The following CAMTA1 variants were observed in gnomAD, a reference collection of about 807,000 sequenced individuals.
The protein encoded by CAMTA1 is calmodulin binding transcription activator 1.
Under a neutral mutation model 170.9 loss-of-function variants are expected in CAMTA1, and 27 were observed. The observed-to-expected ratio is 0.16, with a 90% CI of 0.12 to 0.22. The LOEUF (loss-of-function observed/expected upper bound fraction) is 0.22. Among genes scored for constraint, CAMTA1 ranks in the 10% least tolerant of loss-of-function variants. CAMTA1 has a pLI of 1.00. For synonymous variants in CAMTA1, 833 were observed against 891.5 expected (o/e 0.93, Z 1.17); for missense variants, 1,619 against 2,217.2 (o/e 0.73, Z 5.42).
chr1:7,685,022 G>A lies in CAMTA1; in HGVS notation c.2914+7289G>A, dbSNP rs1178991493. ...CGGTGTCGGGGAGTTCACAGGCACC[G>A]TCCCGCGGTCACAGGTGGCATGTTT... On this transcript the variant is annotated intron_variant, in intron 11 of 22. Transcript: ENST00000303635. This position sits in a 1 kb window ranked among gnomAD's most constrained non-coding sequence, Gnocchi z 5.7. Among the ~76,000 whole-genome samples, 2 of 152,142 alleles carry A rather than the reference G, an allele frequency of 1.3e-5. No individual in the cohort carries two copies. Among genetic ancestry groups the A allele is most frequent in the African/African-American group, 4.8e-5 (2 of 41,422 alleles).
At chr1:7,450,940 C>T (rs535386456) in intron 5 of CAMTA1, among the ~76,000 whole-genome samples, 179 of 152,306 alleles carry the variant, frequency 1.2e-3, no homozygotes, top group Middle Eastern at 3.4e-3. Flanking sequence ...ATCCTAGAGG[C>T]TGCAGGACAA....
At position 7,663,330 on chromosome 1, in the gene CAMTA1, G is replaced by A. The variant is rs372241154; in HGVS notation, c.806-23G>A. 1.1e-4 allele frequency: 166 copies of A among 1,517,390 alleles called. 1 individual carries two copies. In the Middle Eastern group the frequency reaches 1.4e-3, roughly 13 times the overall value. 94.0% of individuals were successfully genotyped at this position (1,517,390 alleles called of 1,614,324 possible). ...CATGTGTGCCTGCGTGTGCGTGCGCGTGTTGTGTTCCGATCTCCGCAGGAG... is the reference window on the plus strand; with the variant it reads ...CATGTGTGCCTGCGTGTGCGTGCGCATGTTGTGTTCCGATCTCCGCAGGAG... On this transcript the variant is annotated intron_variant, in intron 8 of 22. Coordinates refer to ENST00000303635, the MANE Select transcript of CAMTA1 (RefSeq NM_015215.4).
chr1:6,956,030 TGCA>T (rs1689396523), intron 3 of CAMTA1, among the ~76,000 whole-genome samples: 1 of 152,188 alleles, frequency 6.6e-6, no homozygotes, highest in African/African-American at 2.4e-5. Flanking sequence ...GAGCAGGTGC[TGCA>T]GCAGAGCCTC....
At chr1:7,282,887 C>A (rs964935601) in intron 5 of CAMTA1, among the ~76,000 whole-genome samples, 1 of 152,112 alleles carries the variant, frequency 6.6e-6, no homozygotes, top group African/African-American at 2.4e-5. Flanking sequence ...CGTGACATAG[C>A]CTTTTTCTGG....
At chr1:7,755,235 GA>G (rs1271806835) in intron 21 of CAMTA1, among the ~76,000 whole-genome samples, 1 of 149,902 alleles carries the variant, frequency 6.7e-6, no homozygotes, top group Non-Finnish European at 1.5e-5. Flanking sequence ...GCTGGGGCAG[GA>G]GAATCTCTTG....
intron 4 of CAMTA1, among the ~76,000 whole-genome samples, chr1:7,100,916 G>A (rs747272787): frequency 3.9e-5 from 6 of 152,252 alleles, no homozygotes; most frequent in South Asian, 2.1e-4. Flanking sequence ...AAGCCTTCGC[G>A]GCAGAGGCTT....
intron 11 of CAMTA1, among the ~76,000 whole-genome samples, chr1:7,702,829 G>A (rs914678963): frequency 8.5e-5 from 13 of 152,226 alleles, no homozygotes; most frequent in African/African-American, 3.1e-4. Flanking sequence ...CCCAACCCCA[G>A]CCTCCAGCCA....
intron 6 of CAMTA1, among the ~76,000 whole-genome samples, chr1:7,531,936 GTAAT>G: frequency 6.6e-6 from 1 of 152,254 alleles, no homozygotes; most frequent in South Asian, 2.1e-4. Context: ...TGAACAGATA[GTAAT>G]TTTTTTCTAA....
At chr1:7,743,983 C>T (rs978430270) in intron 16 of CAMTA1, among the ~76,000 whole-genome samples, 7 of 149,580 alleles carry the variant, frequency 4.7e-5, no homozygotes, top group Admixed American at 6.7e-5. Flanking sequence ...CCCGCCACCA[C>T]GCCCAGCTAA....
intron 6 of CAMTA1, among the ~76,000 whole-genome samples, chr1:7,616,637 G>A (rs2095560803): frequency 6.6e-6 from 1 of 152,176 alleles, no homozygotes. Context: ...CTAGAATCCT[G>A]AGGGGGAATG....
chr1:7,175,545 C>G (rs192855239), intron 4 of CAMTA1, among the ~76,000 whole-genome samples: 1 of 152,362 alleles, frequency 6.6e-6, no homozygotes, highest in South Asian at 2.1e-4. Flanking sequence ...AATTAAAGTG[C>G]GGAATCCCAG....
chr1:6,857,645 G>A (rs968319250), intron 3 of CAMTA1, among the ~76,000 whole-genome samples: 1 of 151,976 alleles, frequency 6.6e-6, no homozygotes, highest in Non-Finnish European at 1.5e-5. Flanking sequence ...GGGAGAGAGA[G>A]CTAGACCATA....
At chr1:7,242,134 G>A (rs980899244) in intron 4 of CAMTA1, among the ~76,000 whole-genome samples, 3 of 152,148 alleles carry the variant, frequency 2.0e-5, no homozygotes, top group African/African-American at 7.2e-5. Context: ...ATTAAAAATA[G>A]GCAAGAGATT....
chr1:7,272,707 A>AAAAAAAAAAAAAAAAAAAAC, intron 5 of CAMTA1, among the ~76,000 whole-genome samples: 1 of 147,472 alleles, frequency 6.8e-6, no homozygotes, highest in Non-Finnish European at 1.5e-5. Flanking sequence ...AAAAAAAAAA[A>AAAAAAAAAAAAAAAAAAAAC]AAAAAAAAAG....
At chr1:7,437,755 C>G (rs1320111469) in intron 5 of CAMTA1, among the ~76,000 whole-genome samples, 1 of 152,204 alleles carries the variant, frequency 6.6e-6, no homozygotes, top group Non-Finnish European at 1.5e-5. Flanking sequence ...AGGGTGCTGC[C>G]TCCCCAGCTG....
At chr1:7,548,186 G>T (rs78815084) in intron 6 of CAMTA1, among the ~76,000 whole-genome samples, 6 of 152,144 alleles carry the variant, frequency 3.9e-5, no homozygotes, top group East Asian at 1.9e-4. Context: ...GCCCTGTATG[G>T]GTACTGAGGA....
chr1:6,814,994 A>G (rs758708380), intron 1 of CAMTA1, among the ~76,000 whole-genome samples: 2 of 152,176 alleles, frequency 1.3e-5, no homozygotes, highest in Admixed American at 6.5e-5. Flanking sequence ...GACAAAATGA[A>G]TAAAACATAG....
At chr1:6,984,801 C>T (rs553973318) in intron 3 of CAMTA1, among the ~76,000 whole-genome samples, 1 of 152,284 alleles carries the variant, frequency 6.6e-6, no homozygotes, top group East Asian at 1.9e-4. Flanking sequence ...TGCCAGACAC[C>T]GAGTTCAGAC....
At chr1:7,310,628 C>CTT (rs1676366377) in intron 5 of CAMTA1, among the ~76,000 whole-genome samples, 1 of 7,956 alleles carries the variant, frequency 1.3e-4, no homozygotes, top group Non-Finnish European at 2.5e-4. Flanking sequence ...TTCTTTCTTT[C>CTT]TTTCTTTCTT....
Sources: allele counts gnomAD v4.1 joint callset (sites outside exome capture counted in the v4.1 genomes callset), GRCh38; gene constraint gnomAD v4.1.1; non-coding constraint Gnocchi (gnomAD v3.1); transcripts MANE v1.5; gene names NCBI Gene and HGNC (gene_info 2026-07-23, HGNC 2026-07-21).